The following SLC30A9 variants were observed in gnomAD, a reference collection of about 807,000 sequenced individuals.
SLC30A9 encodes the protein solute carrier family 30 member 9.
SLC30A9 carries 58 observed loss-of-function variants against 87.5 expected under a neutral mutation model. The ratio of observed to expected loss-of-function variants is 0.66; its 90% confidence interval spans 0.54 to 0.82. The LOEUF is 0.82. Among genes scored for constraint, SLC30A9 ranks in the 40% least tolerant of loss-of-function variants. The probability of loss-of-function intolerance (pLI) is 0.00; values close to 1 mark genes in which losing one functional copy is unlikely to be tolerated. For missense variants in SLC30A9, 557 were observed against 679.1 expected (o/e 0.82, Z 2.00); for synonymous variants, 234 against 233.0 (o/e 1.00, Z -0.04).
At chr4:42,035,378 A>T in intron 7 of SLC30A9, 45 bp downstream of exon 7, 1 of 1,586,330 alleles carries the variant, frequency 6.3e-7, no homozygotes. Flanking sequence ...GTTGCACAGC[A>T]AAATTCTAAT....
chr4:42,083,140 A>G (rs1718803408), intron 17 of SLC30A9, among the ~76,000 whole-genome samples: 1 of 152,196 alleles, frequency 6.6e-6, no homozygotes, highest in Non-Finnish European at 1.5e-5. Flanking sequence ...TAAATTCCTT[A>G]TAAATAATGG....
At chr4:42,059,774 C>T (rs866379969) in intron 9 of SLC30A9, among the ~76,000 whole-genome samples, 4 of 152,056 alleles carry the variant, frequency 2.6e-5, no homozygotes, top group East Asian at 1.9e-4. Context: ...AACTACAAAG[C>T]ATAAGTTCTG....
At chr4:42,009,249 T>C (rs1190126311) in intron 2 of SLC30A9, among the ~76,000 whole-genome samples, 1 of 152,220 alleles carries the variant, frequency 6.6e-6, no homozygotes, top group Non-Finnish European at 1.5e-5. Context: ...GGGCTCAATT[T>C]TTCAGTACTT....
intron 10 of SLC30A9, among the ~76,000 whole-genome samples, chr4:42,061,344 G>A (rs1275489101): frequency 1.3e-5 from 2 of 152,300 alleles, no homozygotes; most frequent in Non-Finnish European, 1.5e-5. Flanking sequence ...CATGTGGCTA[G>A]TGGCTCATCA....
chr4:42,079,554 A>G (rs1394968276), intron 17 of SLC30A9, among the ~76,000 whole-genome samples: 4 of 151,318 alleles, frequency 2.6e-5, no homozygotes, highest in Admixed American at 2.0e-4. Flanking sequence ...TTGGCCTCCC[A>G]AAGTGCTGTG....
At chr4:42,085,928 TCTTA>T (rs1244214364) in intron 17 of SLC30A9, among the ~76,000 whole-genome samples, 150 bp from the exon 18 acceptor site, 1 of 151,350 alleles carries the variant, frequency 6.6e-6, no homozygotes, top group Non-Finnish European at 1.5e-5. Context: ...TACCTATTGA[TCTTA>T]CTTTTTTTCT....
chr4:42,070,792 C>A, intron 15 of SLC30A9, 101 bp downstream of exon 15: 1 of 920,468 alleles, frequency 1.1e-6, no homozygotes, highest in Non-Finnish European at 1.6e-6. Flanking sequence ...TTGGATTCCT[C>A]GTCTTCAGAA....
intron 2 of SLC30A9, among the ~76,000 whole-genome samples, chr4:42,004,712 T>C (rs1715129541): frequency 2.0e-5 from 3 of 146,694 alleles, no homozygotes; most frequent in Admixed American, 7.2e-5. Flanking sequence ...CAGGCTAGAA[T>C]GCAGTGGTGT....
At chr4:42,013,339 T>C (rs559411821) in intron 2 of SLC30A9, among the ~76,000 whole-genome samples, 1 of 152,100 alleles carries the variant, frequency 6.6e-6, no homozygotes, top group South Asian at 2.1e-4. Flanking sequence ...AATTCTAGAG[T>C]AACATTTATT....
chr4:42,031,852 T>G (rs760611020), intron 6 of SLC30A9, among the ~76,000 whole-genome samples: 2 of 152,232 alleles, frequency 1.3e-5, no homozygotes, highest in Non-Finnish European at 2.9e-5. Context: ...TTATATTACC[T>G]CTTGGCCTCC....
In SLC30A9 at chr4:41,997,808, C is replaced by T. The variant is rs529659988; in HGVS notation, c.110-3808C>T. Among the ~76,000 whole-genome samples, 5 of 152,220 alleles carry T rather than the reference C, an allele frequency of 3.3e-5. No homozygotes were observed. The South Asian group carries it at 8.3e-4, about 25-fold the overall frequency. On this transcript the variant is annotated intron_variant, in intron 1 of 17. Coordinates refer to ENST00000264451, the MANE Select transcript of SLC30A9 (RefSeq NM_006345.4). ...AAAGGTTATATAACCTCTTAGTAACCTCTTTAACAGTTATTTAGCTTTCAT... is the reference window on the plus strand; with the variant it reads ...AAAGGTTATATAACCTCTTAGTAACTTCTTTAACAGTTATTTAGCTTTCAT...
At chr4:42,032,115 C>T (rs565159990) in intron 6 of SLC30A9, among the ~76,000 whole-genome samples, 1 of 152,138 alleles carries the variant, frequency 6.6e-6, no homozygotes, top group South Asian at 2.1e-4. Context: ...TTTTAAATGA[C>T]CAGATCTCAT....
intron 14 of SLC30A9, among the ~76,000 whole-genome samples, chr4:42,068,523 G>T (rs1005030575): frequency 6.6e-6 from 1 of 152,204 alleles, no homozygotes; most frequent in African/African-American, 2.4e-5. Flanking sequence ...GGGATTACAG[G>T]CATGAGCCAC....
At chr4:42,048,250 T>G (rs144731126) in intron 8 of SLC30A9, among the ~76,000 whole-genome samples, 411 of 152,090 alleles carry the variant, frequency 2.7e-3, no homozygotes, top group Non-Finnish European at 4.1e-3. Flanking sequence ...TAAACATTGT[T>G]TAAAAAAAGA....
intron 4 of SLC30A9, 165 bp downstream of exon 4, chr4:42,020,680 A>G: frequency 4.1e-6 from 2 of 489,044 alleles, no homozygotes; most frequent in Non-Finnish European, 3.6e-6. Flanking sequence ...AAAAATTGTT[A>G]GCAAACTAAA....
intron 2 of SLC30A9, among the ~76,000 whole-genome samples, chr4:42,005,077 C>T (rs1194281181): frequency 6.6e-6 from 1 of 152,162 alleles, no homozygotes; most frequent in Non-Finnish European, 1.5e-5. Flanking sequence ...ATATTTTTAA[C>T]AGAAAATTCT....
chr4:42,011,664 A>G (rs565069473), intron 2 of SLC30A9, among the ~76,000 whole-genome samples: 1 of 152,334 alleles, frequency 6.6e-6, no homozygotes, highest in East Asian at 1.9e-4. Flanking sequence ...AGCCAATAGA[A>G]TCAATAAATG....
chr4:42,054,247 A>G (rs1003335548), intron 9 of SLC30A9, among the ~76,000 whole-genome samples: 4 of 152,090 alleles, frequency 2.6e-5, no homozygotes, highest in East Asian at 1.9e-4. Flanking sequence ...AATCCCAGCT[A>G]CTCAGGAGAT....
At position 41,990,663 on chromosome 4, in the gene SLC30A9, C is replaced by A. The variant is rs1714385807; in HGVS notation, c.12C>A (p.Gly4=). MLP[G]LAAAAAHRCS... is the part of the protein sequence containing the mutation. ...TCTGCCCCACCAGGATGTTACCCGG[C>A]TTGGCCGCCGCCGCGGCCCACAGAT... Residue 4 remains glycine, a synonymous_variant, in exon 1 of 18, where the codon GGC becomes GGA. Coordinates refer to ENST00000264451, the MANE Select transcript of SLC30A9 (RefSeq NM_006345.4). 6.2e-7 allele frequency: 1 copy of A among 1,606,628 alleles called. No individual in the cohort carries two copies. Among genetic ancestry groups the A allele is most frequent in the East Asian group, 2.2e-5 (1 of 44,672 alleles).
Sources: allele counts gnomAD v4.1 joint callset (sites outside exome capture counted in the v4.1 genomes callset), GRCh38; gene constraint gnomAD v4.1.1; transcripts MANE v1.5; gene names NCBI Gene and HGNC (gene_info 2026-07-23, HGNC 2026-07-21).